The following UBA6 variants were observed in gnomAD, a reference collection of about 807,000 sequenced individuals.
The protein encoded by UBA6 is ubiquitin-like modifier-activating enzyme 6.
Under a neutral mutation model 148.3 loss-of-function variants are expected in UBA6, and 87 were observed. The observed-to-expected ratio is 0.59, with a 90% CI of 0.49 to 0.70. The LOEUF (loss-of-function observed/expected upper bound fraction) is 0.70. Ranked by LOEUF, UBA6 falls within the 30% of genes least tolerant of loss-of-function variation. The pLI is 0.00. For missense variants in UBA6, 1,186 were observed against 1,241.2 expected, an observed-to-expected ratio of 0.96 and a Z score of 0.67; for synonymous variants, 376 against 401.0, an observed-to-expected ratio of 0.94 and a Z score of 0.75.
chr4:67,616,360 A>G lies in UBA6; in HGVS notation c.*2637T>C. 1 of 360,094 alleles carries G rather than the reference A, an allele frequency of 2.8e-6. No individual in the cohort carries two copies. Among genetic ancestry groups the G allele is most frequent in the East Asian group, 3.9e-5 (1 of 25,894 alleles). 22.3% of individuals were successfully genotyped at this position (360,094 alleles called of 1,614,324 possible). A position where few individuals can be genotyped will look rare whatever the true frequency, so the allele number is the denominator to read the frequency against. On this transcript the variant is annotated 3_prime_UTR_variant, in exon 33 of 33. Transcript: ENST00000322244. ...AAGAACAATTTTCTATCTTCATTTT[A>G]CTAATTATAAAATAAACATAGTTGC...
chr4:67,664,584 A>G (rs1018732622), intron 10 of UBA6, among the ~76,000 whole-genome samples: 2 of 152,142 alleles, frequency 1.3e-5, no homozygotes, highest in Admixed American at 6.5e-5. Flanking sequence ...CCTGAGAAGG[A>G]GCCCAAGGAT....
rs912612512 is a variant in UBA6, at chr4:67,681,438, GA to G, written c.258+124del. 22 of 572,854 alleles carry G rather than the reference GA, an allele frequency of 3.8e-5. No homozygotes were observed. In the African/African-American group the frequency reaches 4.4e-4, roughly 11 times the overall value. 35.5% of individuals were successfully genotyped at this position (572,854 alleles called of 1,614,324 possible). On this transcript the variant is annotated intron_variant, in intron 4 of 32. Transcript: ENST00000322244. ...CTTTGTATATTTTTTAAATTTCCAT[GA>G]TTTTTTTTAAAAAGTAGAGCATTAA...
intron 19 of UBA6, chr4:67,638,162 G>A (rs1729211945): frequency 6.6e-6 from 1 of 152,484 alleles, no homozygotes; most frequent in Non-Finnish European, 1.5e-5. Context: ...ACAGAAGGAG[G>A]GGTGGCAGGT....
chr4:67,693,294 TTTA>T (rs773811167), intron 2 of UBA6, among the ~76,000 whole-genome samples: 4 of 152,076 alleles, frequency 2.6e-5, no homozygotes, highest in Admixed American at 6.6e-5. Context: ...TTCTTAACAT[TTTA>T]TTTTCTCTAG....
intron 1 of UBA6, 113 bp downstream of exon 1, chr4:67,700,936 G>T (rs954289652): frequency 3.3e-5 from 44 of 1,345,728 alleles, no homozygotes; most frequent in Middle Eastern, 2.0e-4. Context: ...GGCCGGCTCT[G>T]CTCGGCCCCG....
intron 22 of UBA6, 109 bp from the exon 23 acceptor site, chr4:67,633,582 C>T (rs1487381): frequency 0.02 from 19,535 of 963,790 alleles, 486 homozygotes; most frequent in East Asian, 0.094. Context: ...GTGTTTTATG[C>T]TTTTCTTTTT....
intron 26 of UBA6, among the ~76,000 whole-genome samples, 188 bp from the exon 27 acceptor site, chr4:67,629,330 G>A (rs974871338): frequency 6.6e-6 from 1 of 151,770 alleles, no homozygotes; most frequent in East Asian, 1.9e-4. Context: ...TTATGGGGGA[G>A]GAGAAGGTAA....
intron 9 of UBA6, 121 bp from the exon 10 acceptor site, chr4:67,665,413 G>GTT (rs369502391): frequency 2.4e-3 from 972 of 406,330 alleles, no homozygotes; most frequent in African/African-American, 2.7e-3. Flanking sequence ...CCAGCATAGT[G>GTT]TTTTTTTTTG....
In UBA6 at chr4:67,670,540, C is replaced by T. The variant is rs1373796835; in HGVS notation, c.599G>A (p.Gly200Asp). ...GIWSRLFCDF[G>D]DEFEVLDTTG... is the part of the protein sequence containing the mutation. ...TGTATCTAAAACTTCAAATTCATCA[C>T]CGAAATCACAAAATAACCTTGACCA... The change falls in exon 8 of 33, where the codon GGT becomes GAT. Residue 200 changes from glycine (G) to aspartate (D), a missense_variant. Gly to Asp is a moderately conservative substitution (Grantham distance 94). Transcript: ENST00000322244. The T allele has an allele frequency of 1.2e-6, 2 of 1,609,606 alleles. No individual in the cohort carries two copies. The highest frequency in any genetic ancestry group is 1.7e-6 in the Non-Finnish European group (2 of 1,176,122).
chr4:67,624,972 A>G (rs1560476900), intron 29 of UBA6, 22 bp downstream of exon 29: 1 of 1,556,478 alleles, frequency 6.4e-7, no homozygotes. Context: ...GAGCATTTTT[A>G]TTCAAGGAAT....
chr4:67,625,291 A>T, intron 28 of UBA6, 104 bp from the exon 29 acceptor site: 4 of 881,048 alleles, frequency 4.5e-6, no homozygotes, highest in Non-Finnish European at 6.5e-6. Context: ...TCCTTTTTAT[A>T]TTTTTTAATG....
intron 13 of UBA6, among the ~76,000 whole-genome samples, chr4:67,655,606 A>G (rs943512606): frequency 5.9e-5 from 9 of 152,232 alleles, no homozygotes; most frequent in African/African-American, 1.9e-4. Context: ...TAAAATCGAC[A>G]CCTTAACATC....
rs1728691735 is a variant in UBA6, at chr4:67,619,030, T to C, written c.3126A>G (p.Pro1042=). ...TGTCATGACTGAAGTAGTATCTTAC[T>C]GGAGGTCCCGGCAAATCTTCATCTC... ...IDGDEDLPGP[P]VRYYFSHDTD Residue 1042 remains proline, a synonymous_variant, in exon 33 of 33, where the codon CCA becomes CCG. Coordinates refer to ENST00000322244, the MANE Select transcript of UBA6 (RefSeq NM_018227.6). The C allele has an allele frequency of 6.2e-7, 1 of 1,614,040 alleles. No individual in the cohort carries two copies. Among genetic ancestry groups the C allele is most frequent in the Non-Finnish European group, 8.5e-7 (1 of 1,179,918 alleles).
intron 9 of UBA6, 117 bp from the exon 10 acceptor site, chr4:67,665,409 T>G: frequency 3.3e-6 from 2 of 609,102 alleles, no homozygotes; most frequent in Non-Finnish European, 2.7e-6. Flanking sequence ...AATTCCAGCA[T>G]AGTGTTTTTT....
Position 67,619,112 on chromosome 4 carries a change from G to C in UBA6, c.3044C>G (p.Pro1015Arg), listed in dbSNP as rs374262583. Residue 1015 changes from proline (P) to arginine (R), a missense_variant, in exon 33 of 33, where the codon CCT becomes CGT. Transcript: ENST00000322244. Reference sequence around the variant, plus strand: ...ATCCACATATTTCTTTTCAGTAGTAGGTTTTACAAGTTTATGCATTCTAAG... The same window carrying C: ...ATCCACATATTTCTTTTCAGTAGTACGTTTTACAAGTTTATGCATTCTAAG... The part of the protein sequence containing the change: ...LKLTMHKLVK[P>R]TTEKKYVDLT... 1.2e-6 allele frequency: 2 copies of C among 1,605,852 alleles called. No individual in the cohort carries two copies. Among genetic ancestry groups the C allele is most frequent in the Admixed American group, 3.4e-5 (2 of 59,466 alleles).
chr4:67,629,333 GAAGGT>G (rs1352741234), intron 26 of UBA6, among the ~76,000 whole-genome samples, 191 bp from the exon 27 acceptor site: 1 of 151,794 alleles, frequency 6.6e-6, no homozygotes, highest in Non-Finnish European at 1.5e-5. Context: ...TGGGGGAGGA[GAAGGT>G]AAGGGGTAAA....
At chr4:67,624,783 CTTAT>C (rs1011455884) in intron 29 of UBA6, among the ~76,000 whole-genome samples, 20 of 152,066 alleles carry the variant, frequency 1.3e-4, no homozygotes, top group Admixed American at 2.6e-4. Context: ...CTATCTTGAG[CTTAT>C]TTTTTATTTT....
At chr4:67,633,010 T>C (rs1475247737) in intron 23 of UBA6, among the ~76,000 whole-genome samples, 1 of 152,158 alleles carries the variant, frequency 6.6e-6, no homozygotes, top group African/African-American at 2.4e-5. Flanking sequence ...TACCTCCTTT[T>C]ATCTTTACCA....
In UBA6 at chr4:67,633,340, C is replaced by T. The variant is rs1452226225; in HGVS notation, c.2142+5G>A. On this transcript the variant is annotated splice_donor_5th_base_variant and intron_variant, in intron 23 of 32. Transcript: ENST00000322244. ...TTTTCTTAATGTCTCACAATGCATA[C>T]TTACCTTATGGTTAAAATATTTTTC... The T allele has an allele frequency of 6.3e-7, 1 of 1,586,900 alleles. No homozygotes were observed. The highest frequency in any genetic ancestry group is 1.8e-5 in the Admixed American group (1 of 54,708).
Sources: gnomAD v4.1 joint callset for allele counts (sites outside exome capture counted in the v4.1 genomes callset) on GRCh38, gnomAD v4.1.1 for gene constraint, MANE v1.5 for transcripts, NCBI Gene and HGNC (gene_info 2026-07-23, HGNC 2026-07-21) for gene names.